LRRC4C: variants seen among roughly 807,000 people sequenced by gnomAD.
LRRC4C encodes the protein leucine rich repeat containing 4C, also known as leucine-rich repeat-containing protein 4C.
In LRRC4C, 5 loss-of-function variants were observed where a neutral mutation model predicts 33.6. That is an observed-to-expected ratio of 0.15 (90% confidence interval 0.08 to 0.31). The LOEUF is 0.31. Among genes scored for constraint, LRRC4C ranks in the 10% least tolerant of loss-of-function variants. The probability of loss-of-function intolerance (pLI) is 1.00; values close to 1 mark genes in which losing one functional copy is unlikely to be tolerated. For synonymous variants in LRRC4C, 329 were observed against 302.0 expected, an observed-to-expected ratio of 1.09 and a Z score of -0.93; for missense variants, 560 against 796.7, an observed-to-expected ratio of 0.70 and a Z score of 3.58.
intron 4 of LRRC4C, among the ~76,000 whole-genome samples, chr11:40,279,530 CTCT>C (rs1424471473): frequency 2.0e-5 from 3 of 152,164 alleles, no homozygotes; most frequent in Non-Finnish European, 4.4e-5. Context: ...GTAAGAAAAT[CTCT>C]TATCTTTTTA....
At chr11:40,237,007 A>T (rs1158536437) in intron 5 of LRRC4C, among the ~76,000 whole-genome samples, 1 of 152,230 alleles carries the variant, frequency 6.6e-6, no homozygotes, top group Non-Finnish European at 1.5e-5. Flanking sequence ...TACAAAGAAA[A>T]AAACACAGTC....
intron 2 of LRRC4C, among the ~76,000 whole-genome samples, chr11:40,827,468 A>G (rs748178756): frequency 4.8e-4 from 73 of 152,046 alleles, no homozygotes; most frequent in Non-Finnish European, 9.0e-4. Flanking sequence ...CCTAAAGCCA[A>G]AAGCAAAGAC....
intron 1 of LRRC4C, among the ~76,000 whole-genome samples, chr11:41,143,683 A>C: frequency 6.6e-6 from 1 of 152,186 alleles, no homozygotes; most frequent in East Asian, 1.9e-4. Context: ...ACATTCAGAC[A>C]ATTCATTTCA....
chr11:40,382,386 C>T (rs1948917087), intron 3 of LRRC4C, among the ~76,000 whole-genome samples: 1 of 151,442 alleles, frequency 6.6e-6, no homozygotes, highest in Admixed American at 6.6e-5. Flanking sequence ...GTATAACTGA[C>T]ATAGAAAAAG....
intron 2 of LRRC4C, among the ~76,000 whole-genome samples, chr11:40,758,017 G>T (rs950564848): frequency 6.6e-6 from 1 of 152,038 alleles, no homozygotes; most frequent in Admixed American, 6.6e-5. Context: ...TCTGGAGAAT[G>T]ACATTGGAAG....
chr11:40,455,179 G>A (rs1052641382), intron 3 of LRRC4C, among the ~76,000 whole-genome samples: 8 of 152,276 alleles, frequency 5.3e-5, no homozygotes, highest in South Asian at 2.1e-4. Context: ...GGGCCATAAG[G>A]GAAATATAAT....
At chr11:41,012,602 G>A (rs555126039) in intron 1 of LRRC4C, among the ~76,000 whole-genome samples, 2 of 152,244 alleles carry the variant, frequency 1.3e-5, no homozygotes, top group African/African-American at 4.8e-5. Context: ...TATATGCCCA[G>A]TAGTGAAATT....
At chr11:40,783,161 T>G (rs1950282030) in intron 2 of LRRC4C, among the ~76,000 whole-genome samples, 1 of 152,340 alleles carries the variant, frequency 6.6e-6, no homozygotes, top group African/African-American at 2.4e-5. Flanking sequence ...TTTGAAATAT[T>G]GAACACTATG....
chr11:40,563,743 T>C (rs1957646505), intron 3 of LRRC4C, among the ~76,000 whole-genome samples: 1 of 152,118 alleles, frequency 6.6e-6, no homozygotes, highest in African/African-American at 2.4e-5. Flanking sequence ...TGGGAACACC[T>C]GGGAAGGAAG....
At chr11:41,023,701 G>T (rs1242490133) in intron 1 of LRRC4C, among the ~76,000 whole-genome samples, 2 of 151,750 alleles carry the variant, frequency 1.3e-5, no homozygotes, top group Admixed American at 6.6e-5. Context: ...TCTAAAAAAA[G>T]ATAGTGAAGT....
intron 2 of LRRC4C, among the ~76,000 whole-genome samples, chr11:40,896,100 T>C (rs984990133): frequency 6.6e-6 from 1 of 152,126 alleles, no homozygotes; most frequent in Admixed American, 6.6e-5. Flanking sequence ...TTGGAACCCT[T>C]TATGTTTCCT....
chr11:40,599,812 G>A (rs1004586715), intron 3 of LRRC4C, among the ~76,000 whole-genome samples: 2 of 152,232 alleles, frequency 1.3e-5, no homozygotes, highest in Non-Finnish European at 2.9e-5. Context: ...GGTAGATAGA[G>A]ATGTAGGACA....
intron 6 of LRRC4C, among the ~76,000 whole-genome samples, chr11:40,124,921 A>C (rs909002556): frequency 7.2e-5 from 11 of 152,064 alleles, no homozygotes; most frequent in Admixed American, 5.9e-4. Flanking sequence ...TATCCCATAA[A>C]TATATACACC....
chr11:40,383,721 A>C (rs1388503602), intron 3 of LRRC4C, among the ~76,000 whole-genome samples: 4 of 151,460 alleles, frequency 2.6e-5, no homozygotes, highest in Non-Finnish European at 5.9e-5. Context: ...ACAAGATCTC[A>C]CTTTGTCACC....
At chr11:40,276,582 A>C (rs1202397211) in intron 4 of LRRC4C, among the ~76,000 whole-genome samples, 1 of 152,010 alleles carries the variant, frequency 6.6e-6, no homozygotes, top group Non-Finnish European at 1.5e-5. Context: ...ACCTTGAATA[A>C]CAGAGGAAGA....
At chr11:41,187,277 A>G (rs151237651) in intron 1 of LRRC4C, among the ~76,000 whole-genome samples, 426 of 152,320 alleles carry the variant, frequency 2.8e-3, no homozygotes, top group Non-Finnish European at 5.0e-3. Context: ...GTGTCTGTAC[A>G]AATCCCGAGG....
intron 1 of LRRC4C, among the ~76,000 whole-genome samples, chr11:41,135,639 CAAG>C (rs1211004059): frequency 6.6e-6 from 1 of 151,928 alleles, no homozygotes; most frequent in South Asian, 2.1e-4. Context: ...TGAGTGATGC[CAAG>C]AAGAAGATAA....
At chr11:41,171,010 T>A (rs1198196554) in intron 1 of LRRC4C, among the ~76,000 whole-genome samples, 1 of 151,978 alleles carries the variant, frequency 6.6e-6, no homozygotes, top group Non-Finnish European at 1.5e-5. Flanking sequence ...AAAATGCTCA[T>A]CATCACTGGC....
At chr11:40,396,000 T>A (rs1481160992) in intron 3 of LRRC4C, among the ~76,000 whole-genome samples, 4 of 143,944 alleles carry the variant, frequency 2.8e-5, no homozygotes, top group African/African-American at 7.8e-5. Context: ...AATTTAATTT[T>A]AAAAAATACA....
Sources: gnomAD v4.1 joint callset for allele counts (sites outside exome capture counted in the v4.1 genomes callset) on GRCh38, gnomAD v4.1.1 for gene constraint, MANE v1.5 for transcripts, NCBI Gene and HGNC (gene_info 2026-07-23, HGNC 2026-07-21) for gene names.